Variants in ZFHX4 observed in about 807,000 individuals in gnomAD.
ZFHX4 encodes zinc finger homeobox 4.
ZFHX4 carries 56 observed loss-of-function variants against 267.6 expected under a neutral mutation model. That is an observed-to-expected ratio of 0.21 (90% CI 0.17 to 0.26). The LOEUF (loss-of-function observed/expected upper bound fraction) is 0.26, where lower values mean the gene tolerates loss of function less well. Ranked by LOEUF, ZFHX4 falls within the 10% of genes least tolerant of loss-of-function variation. ZFHX4 has a pLI of 1.00. For missense variants in ZFHX4, 4,332 were observed against 4,420.0 expected (o/e 0.98, Z 0.56); for synonymous variants, 1,778 against 1,665.6 (o/e 1.07, Z -1.64).
At chr8:76,856,847 G>C (rs1408187421) in intron 10 of ZFHX4, among the ~76,000 whole-genome samples, 1 of 152,104 alleles carries the variant, frequency 6.6e-6, no homozygotes, top group African/African-American at 2.4e-5. Context: ...ACTTATGTTT[G>C]AAGTTCAACA....
At chr8:76,768,485 G>A (rs1461342591) in intron 3 of ZFHX4, among the ~76,000 whole-genome samples, 1 of 152,160 alleles carries the variant, frequency 6.6e-6, no homozygotes, top group Non-Finnish European at 1.5e-5. Context: ...AAAGTAGGGG[G>A]AAAGAGAAAG....
In ZFHX4 at chr8:76,704,666, A is replaced by G. The variant is rs998259416; in HGVS notation, c.578A>G (p.Asn193Ser). 1 of 1,614,020 alleles carries G rather than the reference A, an allele frequency of 6.2e-7. No homozygotes were observed. Among genetic ancestry groups the G allele is most frequent in the Non-Finnish European group, 8.5e-7 (1 of 1,179,900 alleles). ...APMSFYPQII[N>S]TFHIASSLGK... The stretch of plus-strand genomic sequence containing the variant: ...ATGTCGTTCTACCCACAGATCATCA[A>G]CACTTTTCATATCGCTTCATCCCTC... The change falls in exon 2 of 11, where the codon AAC (asparagine) becomes AGC (serine). Residue 193 changes from asparagine to serine, a missense_variant. Physicochemically the swap from Asn to Ser is conservative, Grantham distance 46. Around this residue, in one of 7 missense-constraint regions of ZFHX4, gnomAD observed 1,195 missense variants for 1,173.6 expected, o/e 1.02. Transcript: ENST00000651372.
rs759934471 is a variant in ZFHX4 at position 76,856,285 on chromosome 8, C to T, written c.9364C>T (p.Pro3122Ser). ...MNGPSSLPGF[P>S]QNSNTLTPPG... ...CGGTCCATCCTCCTTGCCGGGATTT[C>T]CACAAAATTCAAACAGTAAGTCATT... The change falls in exon 10 of 11, where the codon CCA (proline) becomes TCA (serine). Residue 3122 changes from proline (P) to serine (S), a missense_variant. This residue lies in a region of ZFHX4 where 1,648 missense variants were observed against 1,625.0 expected (regional missense o/e 1.01). Coordinates refer to ENST00000651372, the MANE Select transcript of ZFHX4 (RefSeq NM_024721.5). 1 of 1,613,864 alleles carries T rather than the reference C, an allele frequency of 6.2e-7. No homozygotes were observed. Among genetic ancestry groups the T allele is most frequent in the African/African-American group, 1.3e-5 (1 of 75,040 alleles).
At chr8:76,712,394 G>A (rs772003810) in intron 3 of ZFHX4, among the ~76,000 whole-genome samples, 1 of 152,032 alleles carries the variant, frequency 6.6e-6, no homozygotes, top group Non-Finnish European at 1.5e-5. Context: ...ACCTTTTTGT[G>A]CCTTTTTTTT....
chr8:76,822,014 C>T (rs114374415), intron 4 of ZFHX4, among the ~76,000 whole-genome samples: 397 of 152,172 alleles, frequency 2.6e-3, no homozygotes, highest in African/African-American at 9.1e-3. Flanking sequence ...CCTGTCTCTC[C>T]ACATACACAC....
At chr8:76,790,110 T>A (rs942342732) in intron 4 of ZFHX4, among the ~76,000 whole-genome samples, 1 of 152,172 alleles carries the variant, frequency 6.6e-6, no homozygotes, top group Non-Finnish European at 1.5e-5. Flanking sequence ...TACATCTGAA[T>A]GTGGTTTTAG....
chr8:76,841,038 C>T (rs1300670604), intron 5 of ZFHX4, among the ~76,000 whole-genome samples: 1 of 152,218 alleles, frequency 6.6e-6, no homozygotes, highest in Non-Finnish European at 1.5e-5. Flanking sequence ...AGGGAAGCTT[C>T]CCTCAAACCC....
chr8:76,781,301 T>C (rs182068466), intron 4 of ZFHX4, among the ~76,000 whole-genome samples: 1 of 152,266 alleles, frequency 6.6e-6, no homozygotes, highest in African/African-American at 2.4e-5. Flanking sequence ...TTCATTTTTA[T>C]CTTTGTAATG....
intron 3 of ZFHX4, 56 bp downstream of exon 3, chr8:76,708,104 T>C (rs1808329608): frequency 6.2e-7 from 1 of 1,602,058 alleles, no homozygotes; most frequent in Admixed American, 1.7e-5. Context: ...ATTAACTCTT[T>C]CAGAGCTTGG....
In ZFHX4 at chr8:76,833,340, A is replaced by G. The variant is rs1173645157; in HGVS notation, c.3328A>G (p.Thr1110Ala). The change falls in exon 5 of 11, where the codon ACT (threonine) becomes GCT (alanine). Residue 1110 changes from threonine (T) to alanine (A), a missense_variant and splice_region_variant. By Grantham distance (58) the Thr-to-Ala change is moderately conservative (BLOSUM62 0). Transcript: ENST00000651372. ...TTTCACTCTGATGTCTTCTGCAGAAACTGCCTCATTGGGAGCCAGGACTTG... is the reference window on the plus strand; with the variant it reads ...TTTCACTCTGATGTCTTCTGCAGAAGCTGCCTCATTGGGAGCCAGGACTTG... ...VKDCPPNELE[T>A]ASLGARTCDD... 6.2e-7 allele frequency: 1 copy of G among 1,610,456 alleles called. No individual in the cohort carries two copies. Among genetic ancestry groups the G allele is most frequent in the East Asian group, 2.2e-5 (1 of 44,760 alleles).
intron 10 of ZFHX4, among the ~76,000 whole-genome samples, chr8:76,857,943 C>A (rs1812775432): frequency 1.3e-5 from 2 of 150,548 alleles, no homozygotes; most frequent in Non-Finnish European, 2.9e-5. Flanking sequence ...GGAAAGATTT[C>A]TGTGATCAGT....
chr8:76,856,989 C>T (rs890740721), intron 10 of ZFHX4, among the ~76,000 whole-genome samples: 1 of 152,006 alleles, frequency 6.6e-6, no homozygotes, highest in Admixed American at 6.5e-5. Flanking sequence ...TTACTTCATG[C>T]CTTTATTCCC....
At chr8:76,813,411 C>A (rs1224846179) in intron 4 of ZFHX4, among the ~76,000 whole-genome samples, 1 of 152,024 alleles carries the variant, frequency 6.6e-6, no homozygotes, top group Non-Finnish European at 1.5e-5. Context: ...TTTCATATTT[C>A]TCTTAGGTAT....
intron 3 of ZFHX4, among the ~76,000 whole-genome samples, chr8:76,758,211 G>T (rs1272738312): frequency 6.6e-6 from 1 of 152,044 alleles, no homozygotes; most frequent in Non-Finnish European, 1.5e-5. Flanking sequence ...AATGCTTTCT[G>T]GGAGCATAGA....
At chr8:76,728,225 G>C (rs1563487634) in intron 3 of ZFHX4, among the ~76,000 whole-genome samples, 1 of 152,164 alleles carries the variant, frequency 6.6e-6, no homozygotes, top group Non-Finnish European at 1.5e-5. Flanking sequence ...CTTCACGAAA[G>C]TTCTGGTTTG....
intron 3 of ZFHX4, among the ~76,000 whole-genome samples, chr8:76,733,629 A>G (rs1298351475): frequency 6.6e-6 from 1 of 152,192 alleles, no homozygotes; most frequent in African/African-American, 2.4e-5. Context: ...TACTTTAGTA[A>G]ATATTCCTTT....
At chr8:76,822,799 T>A (rs1327038354) in intron 4 of ZFHX4, among the ~76,000 whole-genome samples, 2 of 152,084 alleles carry the variant, frequency 1.3e-5, no homozygotes, top group African/African-American at 4.8e-5. Flanking sequence ...ATTTCTTGAT[T>A]TTTGTTCCCT....
intron 3 of ZFHX4, among the ~76,000 whole-genome samples, chr8:76,751,279 T>A (rs1809608001): frequency 6.6e-6 from 1 of 152,132 alleles, no homozygotes; most frequent in Non-Finnish European, 1.5e-5. Flanking sequence ...AACTGAATTG[T>A]CTAGTTGTTT....
chr8:76,733,021 G>A (rs1375813876), intron 3 of ZFHX4, among the ~76,000 whole-genome samples: 1 of 152,102 alleles, frequency 6.6e-6, no homozygotes, highest in Non-Finnish European at 1.5e-5. Context: ...CCTGTGGAGA[G>A]GCCTGGAATC....
Sources: gnomAD v4.1 joint callset for allele counts (sites outside exome capture counted in the v4.1 genomes callset) on GRCh38, gnomAD v4.1.1 for gene constraint, gnomAD v4.1.1 regional missense constraint, MANE v1.5 for transcripts, NCBI Gene and HGNC (gene_info 2026-07-23, HGNC 2026-07-21) for gene names.